The following GALNT13 variants were observed in gnomAD, a reference collection of about 807,000 sequenced individuals.
GALNT13 encodes the protein UDP-GalNAc:polypeptide N-acetylgalactosaminyltransferase 13.
A neutral mutation model predicts 64.2 loss-of-function variants in GALNT13; 28 were observed. The ratio of observed to expected loss-of-function variants is 0.44; its 90% CI spans 0.32 to 0.60. GALNT13 has a LOEUF of 0.60. GALNT13 is among the 20% of genes least tolerant of loss of function. GALNT13 has a pLI of 0.05. For missense variants in GALNT13, 577 were observed against 669.8 expected (o/e 0.86, Z 1.53); for synonymous variants, 214 against 224.6 (o/e 0.95, Z 0.42).
chr2:154,057,133 G>T (rs1468623796), intron 3 of GALNT13, among the ~76,000 whole-genome samples: 1 of 151,982 alleles, frequency 6.6e-6, no homozygotes, highest in African/African-American at 2.4e-5. Flanking sequence ...GGGTTCAAGC[G>T]ATTCTCCTGC....
chr2:154,062,430 C>T (rs1700236518), intron 3 of GALNT13, among the ~76,000 whole-genome samples: 2 of 152,164 alleles, frequency 1.3e-5, no homozygotes. Flanking sequence ...TCTGTTCTCA[C>T]TCTGCTAAAA....
At chr2:154,139,967 T>C (rs1331770380) in intron 3 of GALNT13, among the ~76,000 whole-genome samples, 1 of 152,114 alleles carries the variant, frequency 6.6e-6, no homozygotes, top group Non-Finnish European at 1.5e-5. Flanking sequence ...TGAAAATAAA[T>C]TAATCTTAGT....
the GALNT13 span, among the ~76,000 whole-genome samples, chr2:153,177,912 C>T: frequency 3.9e-5 from 6 of 152,148 alleles, no homozygotes; most frequent in Admixed American, 3.9e-4. Flanking sequence ...CCATTCTACT[C>T]GCTGCTTCTG....
intron 3 of GALNT13, among the ~76,000 whole-genome samples, chr2:154,100,604 G>A (rs537508386): frequency 6.6e-6 from 1 of 152,186 alleles, no homozygotes; most frequent in South Asian, 2.1e-4. Context: ...GAGTCCTTTG[G>A]AGGAGTCTTT....
chr2:153,474,321 C>A, the GALNT13 span, among the ~76,000 whole-genome samples: 5 of 152,150 alleles, frequency 3.3e-5, no homozygotes, highest in Non-Finnish European at 7.4e-5. Flanking sequence ...TGACCAGAAC[C>A]AAAATTTCTA....
At chr2:153,369,652 A>G in the GALNT13 span, among the ~76,000 whole-genome samples, 1 of 151,974 alleles carries the variant, frequency 6.6e-6, no homozygotes, top group Non-Finnish European at 1.5e-5. Context: ...AAATCATGAG[A>G]CTCCACTTCT....
chr2:153,730,550 A>G, the GALNT13 span, among the ~76,000 whole-genome samples: 91 of 152,082 alleles, frequency 6.0e-4, no homozygotes, highest in African/African-American at 2.0e-3. Flanking sequence ...CGAAATAGAC[A>G]AATGGGATTT....
the GALNT13 span, among the ~76,000 whole-genome samples, chr2:153,797,105 A>C: frequency 6.6e-6 from 1 of 152,360 alleles, no homozygotes; most frequent in South Asian, 2.1e-4. Context: ...CATGAAAGCT[A>C]GCACTCAGGC....
At chr2:153,109,296 C>G in the GALNT13 span, among the ~76,000 whole-genome samples, 1 of 152,104 alleles carries the variant, frequency 6.6e-6, no homozygotes, top group Admixed American at 6.6e-5. Context: ...CCCAGAAACT[C>G]TAAGATGACA....
At chr2:153,256,201 CTTCAT>C in the GALNT13 span, among the ~76,000 whole-genome samples, 1 of 151,616 alleles carries the variant, frequency 6.6e-6, no homozygotes, top group Non-Finnish European at 1.5e-5. Context: ...TCCCTTCTCG[CTTCAT>C]TTCATTCATT....
the GALNT13 span, among the ~76,000 whole-genome samples, chr2:153,560,410 C>T: frequency 6.6e-6 from 1 of 151,938 alleles, no homozygotes; most frequent in East Asian, 1.9e-4. Flanking sequence ...GTGTTTTCCT[C>T]TCCCAGGTTA....
At chr2:154,405,771 G>A (rs1235717940) in intron 10 of GALNT13, among the ~76,000 whole-genome samples, 1 of 151,854 alleles carries the variant, frequency 6.6e-6, no homozygotes, top group Non-Finnish European at 1.5e-5. Flanking sequence ...AAATTGCAAC[G>A]ATATTGTGAA....
chr2:154,331,539 C>A (rs1419840493), intron 9 of GALNT13, among the ~76,000 whole-genome samples: 1 of 151,980 alleles, frequency 6.6e-6, no homozygotes, highest in Non-Finnish European at 1.5e-5. Context: ...CTCTTAGCCA[C>A]AAGTTCTACC....
At chr2:154,117,868 C>G (rs1558967729) in intron 3 of GALNT13, among the ~76,000 whole-genome samples, 1 of 152,134 alleles carries the variant, frequency 6.6e-6, no homozygotes. Context: ...AATCTAAGAC[C>G]TGAAACTATA....
the GALNT13 span, among the ~76,000 whole-genome samples, chr2:153,669,727 C>G: frequency 1.3e-5 from 2 of 152,018 alleles, no homozygotes; most frequent in Non-Finnish European, 2.9e-5. Flanking sequence ...ATTGCCTCAC[C>G]CAGGAAGCAC....
chr2:153,995,812 C>T (rs1165777384), intron 3 of GALNT13, among the ~76,000 whole-genome samples: 1 of 152,092 alleles, frequency 6.6e-6, no homozygotes, highest in East Asian at 1.9e-4. Context: ...AACCTCTACC[C>T]TACCACTCCC....
chr2:153,146,175 T>G, the GALNT13 span, among the ~76,000 whole-genome samples: 1 of 151,558 alleles, frequency 6.6e-6, no homozygotes, highest in African/African-American at 2.4e-5. Flanking sequence ...TGGAGGGTTT[T>G]TTTTTTTTTT....
the GALNT13 span, among the ~76,000 whole-genome samples, chr2:153,363,851 C>G: frequency 2.6e-5 from 4 of 152,254 alleles, no homozygotes; most frequent in Middle Eastern, 6.8e-3. Flanking sequence ...CTATTCCAAA[C>G]AACTGAAAAG....
chr2:154,308,915 A>G (rs1693884759), intron 9 of GALNT13, among the ~76,000 whole-genome samples: 1 of 152,174 alleles, frequency 6.6e-6, no homozygotes, highest in South Asian at 2.1e-4. Flanking sequence ...ATAATTCTTT[A>G]AGGCATTAGG....
Sources: gnomAD v4.1 joint callset for allele counts (sites outside exome capture counted in the v4.1 genomes callset) on GRCh38, gnomAD v4.1.1 for gene constraint, MANE v1.5 for transcripts, NCBI Gene and HGNC (gene_info 2026-07-23, HGNC 2026-07-21) for gene names.